Variants in FOXP2 observed in about 807,000 individuals in gnomAD.
FOXP2 encodes forkhead box protein P2.
In FOXP2, 12 loss-of-function variants were observed where a neutral mutation model predicts 115.8. The observed-to-expected ratio is 0.10, with a 90% CI of 0.07 to 0.17. The LOEUF (loss-of-function observed/expected upper bound fraction) is 0.17, where lower values mean the gene tolerates loss of function less well. Ranked by LOEUF, FOXP2 falls within the 10% of genes least tolerant of loss-of-function variation. FOXP2 has a pLI of 1.00. For missense variants in FOXP2, 629 were observed against 843.5 expected (o/e 0.75, Z 3.15); for synonymous variants, 328 against 297.7 (o/e 1.10, Z -1.05).
At chr7:114,103,339 G>A (rs564734014) in intron 1 of FOXP2, among the ~76,000 whole-genome samples, 1 of 152,082 alleles carries the variant, frequency 6.6e-6, no homozygotes, top group South Asian at 2.1e-4. Flanking sequence ...CAGATAATGA[G>A]GTTTTCTTCT....
upstream of FOXP2, among the ~76,000 whole-genome samples, chr7:114,161,965 T>G (rs1792850847): frequency 6.6e-6 from 1 of 152,042 alleles, no homozygotes; most frequent in Admixed American, 6.6e-5. Context: ...GTATTTTTAG[T>G]AGAGACAGGG....
chr7:114,101,590 T>C (rs1790958310), intron 1 of FOXP2, among the ~76,000 whole-genome samples: 1 of 152,146 alleles, frequency 6.6e-6, no homozygotes, highest in South Asian at 2.1e-4. Context: ...ACCATCTGTT[T>C]AATAACCTGC....
chr7:114,498,449 G>A (rs1021588566), intron 2 of FOXP2, among the ~76,000 whole-genome samples: 7 of 151,994 alleles, frequency 4.6e-5, no homozygotes, highest in African/African-American at 1.7e-4. Context: ...AAATATATAT[G>A]GAAAAAGTAA....
At chr7:114,527,431 C>T (rs1009188416) in intron 2 of FOXP2, among the ~76,000 whole-genome samples, 2 of 151,988 alleles carry the variant, frequency 1.3e-5, no homozygotes, top group Non-Finnish European at 2.9e-5. Flanking sequence ...TTCCTTTTCA[C>T]TATTTCCTCA....
chr7:114,563,966 G>A (rs1374932310), intron 3 of FOXP2, among the ~76,000 whole-genome samples: 2 of 152,038 alleles, frequency 1.3e-5, no homozygotes, highest in African/African-American at 2.4e-5. Context: ...TACTGCTTTG[G>A]CACTTACCAG....
intron 2 of FOXP2, among the ~76,000 whole-genome samples, chr7:114,486,776 T>C (rs1796800848): frequency 6.6e-6 from 1 of 152,166 alleles, no homozygotes; most frequent in African/African-American, 2.4e-5. Context: ...AGCCAAATCT[T>C]AAAGCTCTGA....
At position 114,252,221 on chromosome 7, in the gene FOXP2, G is replaced by A. The variant is rs959412775; in HGVS notation, c.-101-35798G>A. Among the ~76,000 whole-genome samples the A allele has an allele frequency of 5.9e-5, 9 of 151,996 alleles. No individual in the cohort carries two copies. The South Asian group carries it at 1.2e-3, about 21-fold the overall frequency. ...TATTTTTTTTGAGGATTTTTGCGTC[G>A]ATATTTATCAGGGATATTGGTCTAA... On this transcript the variant is annotated intron_variant, in intron 1 of 17. Transcript: ENST00000634411.
intron 1 of FOXP2, among the ~76,000 whole-genome samples, chr7:114,153,231 G>A (rs1792572279): frequency 1.3e-5 from 2 of 152,038 alleles, no homozygotes; most frequent in South Asian, 4.1e-4. Flanking sequence ...CTCTTAAAAA[G>A]AGTAGTGCCA....
intron 3 of FOXP2, among the ~76,000 whole-genome samples, chr7:114,572,338 A>G (rs1376924232): frequency 1.3e-5 from 2 of 151,692 alleles, no homozygotes; most frequent in Non-Finnish European, 3.0e-5. Flanking sequence ...TTGTGGCCTC[A>G]TTCACTTTAA....
At position 114,368,479 on chromosome 7, in the gene FOXP2, A is replaced by T. The variant is rs551457842; in HGVS notation, c.-10-58023A>T. 2.0e-5 allele frequency among the ~76,000 whole-genome samples: 3 copies of T among 152,268 alleles called. No individual in the cohort carries two copies. The South Asian group carries it at 6.2e-4, about 32-fold the overall frequency. ...AACCATTTAACATTTAATATGTCAA[A>T]CCCTCCAGTTTTGGAGGCTGCGTTG... is the stretch of plus-strand genomic sequence containing the variant. On this transcript the variant is annotated intron_variant, in intron 2 of 17. Transcript: ENST00000634411.
intron 3 of FOXP2, among the ~76,000 whole-genome samples, chr7:114,562,042 G>T (rs1800783309): frequency 6.6e-6 from 1 of 152,014 alleles, no homozygotes; most frequent in Non-Finnish European, 1.5e-5. Flanking sequence ...ATACTCTCTT[G>T]TTATTCCCAC....
chr7:114,322,544 A>G (rs1797451388), intron 2 of FOXP2, among the ~76,000 whole-genome samples: 1 of 152,072 alleles, frequency 6.6e-6, no homozygotes, highest in African/African-American at 2.4e-5. Context: ...GCACAGCATT[A>G]AAGCACATAT....
intron 1 of FOXP2, among the ~76,000 whole-genome samples, chr7:114,106,686 G>C (rs1446577537): frequency 6.6e-6 from 1 of 151,832 alleles, no homozygotes; most frequent in Non-Finnish European, 1.5e-5. Flanking sequence ...GTATAACCTT[G>C]GAAACCTGAA....
intron 2 of FOXP2, chr7:114,296,992 AC>A (rs1413124074): frequency 9.0e-6 from 2 of 221,962 alleles, no homozygotes; most frequent in Admixed American, 5.4e-5. Context: ...TTTTGCTAAA[AC>A]ATTTCATTTG....
intron 3 of FOXP2, among the ~76,000 whole-genome samples, chr7:114,544,302 C>T (rs374344906): frequency 7.9e-5 from 12 of 152,086 alleles, no homozygotes; most frequent in African/African-American, 2.2e-4. Context: ...GGATTTTATG[C>T]GCCCCCACCC....
intron 2 of FOXP2, among the ~76,000 whole-genome samples, chr7:114,491,980 G>C (rs1169677170): frequency 6.6e-6 from 1 of 152,170 alleles, no homozygotes; most frequent in Admixed American, 6.6e-5. Context: ...AGTTTCACAA[G>C]GAATGGTACC....
At chr7:114,476,374 G>C (rs1027061573) in intron 2 of FOXP2, among the ~76,000 whole-genome samples, 5 of 151,950 alleles carry the variant, frequency 3.3e-5, no homozygotes, top group African/African-American at 1.2e-4. Flanking sequence ...TTATTGAATA[G>C]GGAGTTCTTT....
At chr7:114,221,744 G>A (rs879513019) in intron 1 of FOXP2, among the ~76,000 whole-genome samples, 1 of 152,186 alleles carries the variant, frequency 6.6e-6, no homozygotes, top group Non-Finnish European at 1.5e-5. Context: ...TTGTGTGCAT[G>A]ATAATGAAGA....
At chr7:114,623,382 G>A (rs1804354575) in intron 3 of FOXP2, among the ~76,000 whole-genome samples, 1 of 151,888 alleles carries the variant, frequency 6.6e-6, no homozygotes, top group Non-Finnish European at 1.5e-5. Flanking sequence ...AATGAAAAAT[G>A]TGTAGTGACC....
Sources: gnomAD v4.1 joint callset for allele counts (sites outside exome capture counted in the v4.1 genomes callset) on GRCh38, gnomAD v4.1.1 for gene constraint, MANE v1.5 for transcripts, NCBI Gene and HGNC (gene_info 2026-07-23, HGNC 2026-07-21) for gene names.